ANGPT1: variants seen among roughly 807,000 people sequenced by gnomAD.
ANGPT1 encodes the protein angiopoietin 1, also known as angiopoietin-1.
ANGPT1 carries 17 observed loss-of-function variants against 62.2 expected under a neutral mutation model. That is an observed-to-expected ratio of 0.27 (90% confidence interval 0.19 to 0.41). ANGPT1 has a LOEUF of 0.41. ANGPT1 is among the 10% of genes least tolerant of loss of function. The probability of loss-of-function intolerance (pLI) is 1.00; values close to 1 mark genes in which losing one functional copy is unlikely to be tolerated. For missense variants in ANGPT1, 478 were observed against 594.9 expected, an observed-to-expected ratio of 0.80 and a Z score of 2.04; for synonymous variants, 199 against 198.9, an observed-to-expected ratio of 1.00 and a Z score of 0.00.
chr8:107,360,533 C>T (rs1441087126), intron 1 of ANGPT1, among the ~76,000 whole-genome samples: 4 of 152,154 alleles, frequency 2.6e-5, no homozygotes, highest in Admixed American at 2.0e-4. Flanking sequence ...CAAGTTCAAA[C>T]AGCCAAAGTG....
At chr8:107,318,408 C>T (rs113340382) in intron 4 of ANGPT1, among the ~76,000 whole-genome samples, 1 of 152,168 alleles carries the variant, frequency 6.6e-6, no homozygotes, top group African/African-American at 2.4e-5. Flanking sequence ...TCTCTGAATG[C>T]AAAGATAGAT....
At chr8:107,305,368 C>A (rs572848186) in intron 4 of ANGPT1, among the ~76,000 whole-genome samples, 75 of 151,964 alleles carry the variant, frequency 4.9e-4, no homozygotes, top group African/African-American at 1.8e-3. Flanking sequence ...TCCTGCCCTC[C>A]CTTTTTTAGT....
At chr8:107,262,027 T>C (rs1365601532) in intron 8 of ANGPT1, among the ~76,000 whole-genome samples, 1 of 151,828 alleles carries the variant, frequency 6.6e-6, no homozygotes, top group Non-Finnish European at 1.5e-5. Flanking sequence ...AAACCCTGTC[T>C]CTACTAAAAA....
In ANGPT1 at chr8:107,405,246, G is replaced by A. The variant is rs143086400; in HGVS notation, c.298-58149C>T. Among the ~76,000 whole-genome samples the A allele has an allele frequency of 1.8e-3, 276 of 151,922 alleles. 1 individual carries two copies. The highest frequency in any genetic ancestry group is 6.1e-3 in the African/African-American group (253 of 41,510). On this transcript the variant is annotated intron_variant, in intron 1 of 8. Coordinates refer to ENST00000517746, the MANE Select transcript of ANGPT1 (RefSeq NM_001146.5). ...AATATGTGATGTAGCTTTATTATATGTAGAGCTATATAGGAGGTATTTGTT... is the reference window on the plus strand; with the variant it reads ...AATATGTGATGTAGCTTTATTATATATAGAGCTATATAGGAGGTATTTGTT...
intron 1 of ANGPT1, among the ~76,000 whole-genome samples, chr8:107,411,351 G>C (rs1377974994): frequency 2.0e-5 from 3 of 151,986 alleles, no homozygotes; most frequent in African/African-American, 7.2e-5. Context: ...TTGTTTGTTT[G>C]GTACACCTTT....
chr8:107,470,931 C>G (rs1006273053), intron 1 of ANGPT1, among the ~76,000 whole-genome samples: 4 of 152,160 alleles, frequency 2.6e-5, no homozygotes, highest in African/African-American at 9.7e-5. Flanking sequence ...AGTAGGAACA[C>G]TTTTACACTG....
chr8:107,395,526 T>A (rs186172676), intron 1 of ANGPT1, among the ~76,000 whole-genome samples: 6 of 152,300 alleles, frequency 3.9e-5, no homozygotes, highest in African/African-American at 1.4e-4. Context: ...AAGATGACGG[T>A]AAACATCTTT....
In ANGPT1 at chr8:107,493,609, G is replaced by A. The variant is rs541503051; in HGVS notation, c.297+3653C>T. Among the ~76,000 whole-genome samples, 12 of 150,500 alleles carry A rather than the reference G, an allele frequency of 8.0e-5. No individual in the cohort carries two copies. The East Asian group carries it at 1.6e-3, about 20-fold the overall frequency. ...ATTGAAGAGGTAAGGTGTATACCTC[G>A]AATAAAATGCTGACAGTAGACAGTA... is the stretch of plus-strand genomic sequence containing the variant. On this transcript the variant is annotated intron_variant, in intron 1 of 8. Coordinates refer to ENST00000517746, the MANE Select transcript of ANGPT1 (RefSeq NM_001146.5).
intron 3 of ANGPT1, among the ~76,000 whole-genome samples, chr8:107,333,262 A>G (rs929250937): frequency 6.6e-6 from 1 of 152,178 alleles, no homozygotes; most frequent in Non-Finnish European, 1.5e-5. Context: ...ACAAGAAGAT[A>G]GACAGATAAC....
intron 1 of ANGPT1, among the ~76,000 whole-genome samples, chr8:107,415,072 C>T (rs2130364548): frequency 6.6e-6 from 1 of 152,262 alleles, no homozygotes; most frequent in South Asian, 2.1e-4. Context: ...GTTTACTCTG[C>T]TCTGATCAAG....
chr8:107,433,161 T>G (rs1463698625), intron 1 of ANGPT1, among the ~76,000 whole-genome samples: 1 of 152,194 alleles, frequency 6.6e-6, no homozygotes, highest in Non-Finnish European at 1.5e-5. Flanking sequence ...TAGGGGAAAT[T>G]GGGCTGGTTG....
At chr8:107,280,284 T>C (rs1043610432) in intron 7 of ANGPT1, among the ~76,000 whole-genome samples, 2 of 151,812 alleles carry the variant, frequency 1.3e-5, no homozygotes, top group Non-Finnish European at 2.9e-5. Flanking sequence ...CACTACAACC[T>C]CCACCTCCGG....
intron 1 of ANGPT1, among the ~76,000 whole-genome samples, chr8:107,448,335 C>G (rs78825368): frequency 6.6e-6 from 1 of 152,066 alleles, no homozygotes; most frequent in Non-Finnish European, 1.5e-5. Context: ...GAAACTGTCC[C>G]TGAAATAGAG....
At position 107,476,313 on chromosome 8, in the gene ANGPT1, T is replaced by C. The variant is rs573788923; in HGVS notation, c.297+20949A>G. On this transcript the variant is annotated intron_variant, in intron 1 of 8. Transcript: ENST00000517746. The stretch of plus-strand genomic sequence containing the variant: ...ACATGGATGAAGCTGGAAACCATCA[T>C]TCTCAGCAAACTATTGCAAGGACAA... Among the ~76,000 whole-genome samples, 22 of 152,234 alleles carry C rather than the reference T, an allele frequency of 1.4e-4. No homozygotes were observed. In the East Asian group the frequency reaches 3.1e-3, roughly 21 times the overall value.
chr8:107,380,947 A>G (rs1816625163), intron 1 of ANGPT1, among the ~76,000 whole-genome samples: 1 of 152,234 alleles, frequency 6.6e-6, no homozygotes, highest in Admixed American at 6.5e-5. Flanking sequence ...AAGCAAGGTC[A>G]TCTCTGTTGA....
intron 1 of ANGPT1, among the ~76,000 whole-genome samples, chr8:107,361,400 A>G (rs1175630637): frequency 6.7e-6 from 1 of 149,592 alleles, no homozygotes; most frequent in Non-Finnish European, 1.5e-5. Flanking sequence ...TTGCAGATAT[A>G]TATATATTTG....
At chr8:107,300,482 G>A (rs1198413032) in intron 5 of ANGPT1, among the ~76,000 whole-genome samples, 1 of 151,694 alleles carries the variant, frequency 6.6e-6, no homozygotes, top group Non-Finnish European at 1.5e-5. Context: ...TCCAGAAGAA[G>A]GCCAGGTCTT....
At chr8:107,326,954 A>T (rs1335875402) in intron 3 of ANGPT1, among the ~76,000 whole-genome samples, 1 of 152,128 alleles carries the variant, frequency 6.6e-6, no homozygotes, top group Non-Finnish European at 1.5e-5. Flanking sequence ...CTTTGACTTA[A>T]CACACTATAA....
At chr8:107,465,970 CTAA>C (rs2130486764) in intron 1 of ANGPT1, among the ~76,000 whole-genome samples, 1 of 152,282 alleles carries the variant, frequency 6.6e-6, no homozygotes, top group African/African-American at 2.4e-5. Flanking sequence ...GGAGGGCTTT[CTAA>C]TATTCTCCTC....
Sources: gnomAD v4.1 joint callset for allele counts (sites outside exome capture counted in the v4.1 genomes callset) on GRCh38, gnomAD v4.1.1 for gene constraint, MANE v1.5 for transcripts, NCBI Gene and HGNC (gene_info 2026-07-23, HGNC 2026-07-21) for gene names.